The following PCDHA11 variants were observed in gnomAD, a reference collection of about 807,000 sequenced individuals.
PCDHA11 encodes protocadherin alpha-11.
Under a neutral mutation model 70.3 loss-of-function variants are expected in PCDHA11, and 61 were observed. That is an observed-to-expected ratio of 0.87 (90% CI 0.71 to 1.07). The LOEUF (loss-of-function observed/expected upper bound fraction) is 1.07, where lower values mean the gene tolerates loss of function less well. Ranked by LOEUF, PCDHA11 falls within the 50% of genes least tolerant of loss-of-function variation. The probability of loss-of-function intolerance (pLI) is 0.00; values close to 1 mark genes in which losing one functional copy is unlikely to be tolerated. For synonymous variants in PCDHA11, 633 were observed against 555.1 expected (o/e 1.14, Z -1.97); for missense variants, 1,324 against 1,237.5 (o/e 1.07, Z -1.05).
At chr5:141,000,395 C>CTATATA (rs1190667031) in intron 3 of PCDHA11, among the ~76,000 whole-genome samples, 4 of 53,980 alleles carry the variant, frequency 7.4e-5, no homozygotes, top group East Asian at 6.1e-4. Context: ...CTCTCTCTCT[C>CTATATA]TATATATATA....
chr5:140,870,602 A>G lies in PCDHA11; in HGVS notation c.1499A>G (p.Asp500Gly). Residue 500 changes from aspartate (D) to glycine (G), a missense_variant, in exon 1 of 4, where the codon GAC (aspartate) becomes GGC (glycine). By Grantham distance (94) the Asp-to-Gly change is moderately conservative. Coordinates refer to ENST00000398640, the MANE Select transcript of PCDHA11 (RefSeq NM_018902.5). Reference protein sequence around the residue: ...SYSLVERRLGDRALSSYVSVH... With the variant: ...SYSLVERRLGGRALSSYVSVH... ...TCGCTGGTGGAGCGGCGGTTGGGCGACCGCGCGCTGTCGAGCTACGTGTCG... is the reference window on the plus strand; with the variant it reads ...TCGCTGGTGGAGCGGCGGTTGGGCGGCCGCGCGCTGTCGAGCTACGTGTCG... The G allele has an allele frequency of 6.2e-7, 1 of 1,613,246 alleles. No individual in the cohort carries two copies. The highest frequency in any genetic ancestry group is 8.5e-7 in the Non-Finnish European group (1 of 1,179,852).
At chr5:140,897,298 G>A (rs1372345306) in intron 1 of PCDHA11, among the ~76,000 whole-genome samples, 18 of 150,818 alleles carry the variant, frequency 1.2e-4, no homozygotes, top group Non-Finnish European at 1.8e-4. Flanking sequence ...TCGTCATTTA[G>A]CATTAGGTAT....
At chr5:140,958,796 T>C (rs2095443333) in intron 1 of PCDHA11, among the ~76,000 whole-genome samples, 2 of 152,182 alleles carry the variant, frequency 1.3e-5, no homozygotes, top group Admixed American at 6.5e-5. Context: ...TCTAGTAAAT[T>C]ATCACACCAT....
chr5:140,996,837 G>A (rs1382866699), intron 3 of PCDHA11, among the ~76,000 whole-genome samples: 7 of 151,992 alleles, frequency 4.6e-5, no homozygotes, highest in African/African-American at 7.3e-5. Flanking sequence ...ATAATTTAGC[G>A]TGCATCTTCA....
Position 141,010,353 on chromosome 5 carries a change from G to A in PCDHA11, c.*416G>A. On this transcript the variant is annotated 3_prime_UTR_variant, in exon 4 of 4. Transcript: ENST00000398640. ...AGTTTGTGGCCACTGGGTATGTGTG[G>A]CTACCGCGGGTATGCGAGTGCCAGA... is the stretch of plus-strand genomic sequence containing the variant. 1.3e-6 allele frequency: 2 copies of A among 1,507,486 alleles called. No individual in the cohort carries two copies. Among genetic ancestry groups the A allele is most frequent in the Non-Finnish European group, 1.8e-6 (2 of 1,128,244 alleles). The allele number at this position is 1,507,486 out of a possible 1,614,324, so 93.4% of individuals were successfully genotyped here. A position where few individuals can be genotyped will look rare whatever the true frequency, so the allele number is the denominator to read the frequency against.
chr5:140,927,506 C>G (rs1554204645), intron 1 of PCDHA11: 1 of 1,614,128 alleles, frequency 6.2e-7, no homozygotes, highest in Non-Finnish European at 8.5e-7. Context: ...GTGCTTACAG[C>G]TCGGGACGGC....
At chr5:140,873,002 T>G (rs1454301001) in intron 1 of PCDHA11, among the ~76,000 whole-genome samples, 1 of 152,218 alleles carries the variant, frequency 6.6e-6, no homozygotes, top group East Asian at 1.9e-4. Flanking sequence ...TTCTGAGTCA[T>G]TCTTCATATT....
intron 3 of PCDHA11, among the ~76,000 whole-genome samples, chr5:140,987,234 A>G (rs2097240958): frequency 6.6e-6 from 1 of 151,980 alleles, no homozygotes; most frequent in Non-Finnish European, 1.5e-5. Context: ...AAAATAATAA[A>G]TAAAGAAAGA....
intron 1 of PCDHA11, among the ~76,000 whole-genome samples, chr5:140,949,595 G>A (rs1342869045): frequency 1.3e-5 from 2 of 151,566 alleles, no homozygotes; most frequent in Admixed American, 6.6e-5. Context: ...TATTAATGTG[G>A]CCATTCTAGT....
At chr5:140,923,888 G>A (rs575485843) in intron 1 of PCDHA11, among the ~76,000 whole-genome samples, 1 of 152,294 alleles carries the variant, frequency 6.6e-6, no homozygotes, top group Admixed American at 6.5e-5. Context: ...GTGTGAAAGA[G>A]GAGGAGTTTC....
intron 1 of PCDHA11, among the ~76,000 whole-genome samples, chr5:140,963,436 T>C (rs148474994): frequency 0.01 from 1,563 of 152,364 alleles, 89 homozygotes; most frequent in Admixed American, 0.092. Context: ...ACTAACTTCA[T>C]ACTCTGTTGC....
chr5:140,937,717 C>G (rs868958316), intron 1 of PCDHA11, among the ~76,000 whole-genome samples: 34 of 151,858 alleles, frequency 2.2e-4, no homozygotes, highest in African/African-American at 8.2e-4. Flanking sequence ...TCAAGACCAT[C>G]CTGGCTAACA....
chr5:141,004,809 C>A (rs1319049687), intron 3 of PCDHA11, among the ~76,000 whole-genome samples: 1 of 152,144 alleles, frequency 6.6e-6, no homozygotes. Context: ...AGCTCAATTG[C>A]AGATTTGATT....
At chr5:141,000,513 C>G (rs1258002727) in intron 3 of PCDHA11, among the ~76,000 whole-genome samples, 2 of 143,802 alleles carry the variant, frequency 1.4e-5, no homozygotes, top group African/African-American at 5.2e-5. Context: ...CTGCAACCTC[C>G]TTCTCCAGGG....
intron 1 of PCDHA11, among the ~76,000 whole-genome samples, chr5:140,977,512 G>GAAACTTGA: frequency 3.9e-5 from 6 of 152,278 alleles, no homozygotes; most frequent in Admixed American, 3.9e-4. Context: ...AGCATTTTGT[G>GAAACTTGA]AACTTGAAAA....
intron 3 of PCDHA11, among the ~76,000 whole-genome samples, chr5:140,997,970 G>A (rs2097791868): frequency 2.0e-5 from 3 of 152,106 alleles, no homozygotes; most frequent in Admixed American, 2.0e-4. Context: ...ACCTGTGGTT[G>A]GACTGCACTT....
chr5:140,952,338 CAAA>C (rs55931446), intron 1 of PCDHA11, among the ~76,000 whole-genome samples: 80,539 of 134,836 alleles, frequency 0.6, 22,945 homozygotes, highest in African/African-American at 0.71. Context: ...AACTCCATCT[CAAA>C]AAAAAAAAAA....
intron 1 of PCDHA11, among the ~76,000 whole-genome samples, chr5:140,906,751 G>C (rs782384757): frequency 1.3e-5 from 2 of 152,166 alleles, no homozygotes; most frequent in African/African-American, 2.4e-5. Context: ...CACAGGGCAT[G>C]GTAATACTAA....
intron 1 of PCDHA11, among the ~76,000 whole-genome samples, chr5:140,947,885 A>G (rs2094188913): frequency 6.6e-6 from 1 of 151,584 alleles, no homozygotes; most frequent in Non-Finnish European, 1.5e-5. Context: ...AGGACAATAT[A>G]AACAGAAGTG....
Sources: gnomAD v4.1 joint callset for allele counts (sites outside exome capture counted in the v4.1 genomes callset) on GRCh38, gnomAD v4.1.1 for gene constraint, MANE v1.5 for transcripts, NCBI Gene and HGNC (gene_info 2026-07-23, HGNC 2026-07-21) for gene names.